The following ZNF529 variants were observed in gnomAD, a reference collection of about 807,000 sequenced individuals.
ZNF529 encodes zinc finger protein 529.
Under a neutral mutation model 10.1 loss-of-function variants are expected in ZNF529, and 11 were observed. The ratio of observed to expected loss-of-function variants is 1.09; its 90% CI spans 0.69 to 1.81. The LOEUF (loss-of-function observed/expected upper bound fraction) is 1.81. Among genes scored for constraint, ZNF529 ranks in the 40% most tolerant of loss-of-function variants. ZNF529 has a pLI of 0.00. For synonymous variants in ZNF529, 204 were observed against 215.7 expected, an observed-to-expected ratio of 0.95 and a Z score of 0.47; for missense variants, 624 against 666.8, an observed-to-expected ratio of 0.94 and a Z score of 0.71.
Position 36,546,737 on chromosome 19 carries a change from G to T in ZNF529, c.*129C>A. The T allele has an allele frequency of 1.0e-6, 1 of 960,976 alleles. No homozygotes were observed. The highest frequency in any genetic ancestry group is 1.5e-6 in the Non-Finnish European group (1 of 655,064). The allele number at this position is 960,976 out of a possible 1,614,324, so 59.5% of individuals were successfully genotyped here. ...CTAAGCAATTCTACGTCTACATACA[G>T]AATGACCATGAAGTCTAAAAACAGA... On this transcript the variant is annotated 3_prime_UTR_variant, in exon 5 of 5. Transcript: ENST00000591340.
intron 1 of ZNF529, among the ~76,000 whole-genome samples, chr19:36,602,282 G>C (rs1325719014): frequency 6.6e-6 from 1 of 151,984 alleles, no homozygotes; most frequent in East Asian, 1.9e-4. Flanking sequence ...TCCCGACCTT[G>C]TGATCCACCC....
At position 36,547,718 on chromosome 19, in the gene ZNF529, T is replaced by C. The variant is rs1442295537; in HGVS notation, c.840A>G (p.Lys280=). ...TPLQRVHDGE[K]HFECSFCGKS... ...TCCCACAGAATGAGCATTCAAAGTG[T>C]TTCTCACCATCATGAACTCTTTGAA... Residue 280 remains lysine (K), a synonymous_variant, in exon 5 of 5, where the codon AAA becomes AAG. Transcript: ENST00000591340. 6.2e-7 allele frequency: 1 copy of C among 1,613,942 alleles called. No individual in the cohort carries two copies. Among genetic ancestry groups the C allele is most frequent in the East Asian group, 2.2e-5 (1 of 44,860 alleles).
chr19:36,589,509 A>G (rs932369708), intron 2 of ZNF529: 1 of 152,192 alleles, frequency 6.6e-6, no homozygotes, highest in African/African-American at 2.4e-5. Flanking sequence ...GAGGAAAAGC[A>G]AGGAAATGTT....
At chr19:36,575,572 T>A (rs1374968545), upstream of ZNF529, among the ~76,000 whole-genome samples, 1 of 150,760 alleles carries the variant, frequency 6.6e-6, no homozygotes, top group African/African-American at 2.4e-5. Flanking sequence ...AATCACAAAG[T>A]CAGCTTTGTA....
intron 2 of ZNF529, among the ~76,000 whole-genome samples, chr19:36,563,932 A>G (rs1384664151): frequency 6.6e-6 from 1 of 152,190 alleles, no homozygotes; most frequent in Non-Finnish European, 1.5e-5. Context: ...ACACAGACCA[A>G]TGGAATAGAA....
At chr19:36,572,004 T>C (rs954199748) in intron 2 of ZNF529, among the ~76,000 whole-genome samples, 1 of 149,042 alleles carries the variant, frequency 6.7e-6, no homozygotes, top group Non-Finnish European at 1.5e-5. Context: ...CTTGCTTTGT[T>C]TGCAAATCAA....
intron 2 of ZNF529, chr19:36,582,174 G>C (rs955301179): frequency 2.0e-5 from 3 of 152,044 alleles, no homozygotes; most frequent in Non-Finnish European, 2.9e-5. Flanking sequence ...GGGGGAAAAG[G>C]GTAGTTATTA....
At chr19:36,555,975 G>GT (rs2145808195) in intron 3 of ZNF529, 129 bp downstream of exon 3, 1 of 872,110 alleles carries the variant, frequency 1.1e-6, no homozygotes, top group East Asian at 2.7e-5. Context: ...ACACTGTGCT[G>GT]TTAGACTCCA....
intron 1 of ZNF529, chr19:36,589,743 T>C (rs2036663716): frequency 1.3e-5 from 2 of 151,902 alleles, no homozygotes; most frequent in South Asian, 4.1e-4. Flanking sequence ...TGAAGATATA[T>C]GGATTATCAA....
chr19:36,552,619 T>C (rs553582858), intron 4 of ZNF529, among the ~76,000 whole-genome samples: 3 of 152,270 alleles, frequency 2.0e-5, no homozygotes, highest in East Asian at 1.9e-4. Flanking sequence ...TTCTTTCACA[T>C]CCCATAAACT....
Position 36,547,575 on chromosome 19 carries a change from T to C in ZNF529, c.983A>G (p.His328Arg), listed in dbSNP as rs763017241. Reference sequence around the variant, plus strand: ...TTTCTCACCAGTATGAATTCTCTGATGTTCGGTAAGCTGTGAATGAAATCT... The same window carrying C: ...TTTCTCACCAGTATGAATTCTCTGACGTTCGGTAAGCTGTGAATGAAATCT... Reference protein sequence around the residue: ...DFRFHSQLTEHQRIHTGEKPY... With the variant: ...DFRFHSQLTERQRIHTGEKPY... The change falls in exon 5 of 5, where the codon CAT becomes CGT. Residue 328 changes from histidine to arginine, a missense_variant. By Grantham distance (29) the His-to-Arg change is conservative (BLOSUM62 0). Coordinates refer to ENST00000591340, the MANE Select transcript of ZNF529 (RefSeq NM_020951.5). 5.0e-6 allele frequency: 8 copies of C among 1,613,840 alleles called. No homozygotes were observed. The Admixed American group carries it at 1.3e-4, about 27-fold the overall frequency.
At chr19:36,551,108 A>G (rs1432015855) in intron 4 of ZNF529, among the ~76,000 whole-genome samples, 1 of 152,216 alleles carries the variant, frequency 6.6e-6, no homozygotes, top group Non-Finnish European at 1.5e-5. Flanking sequence ...AGAAAGAAAA[A>G]AGTTTTACAA....
chr19:36,585,612 G>C (rs1176235164), intron 2 of ZNF529, among the ~76,000 whole-genome samples: 1 of 152,190 alleles, frequency 6.6e-6, no homozygotes, highest in Non-Finnish European at 1.5e-5. Flanking sequence ...CTTTCTACCT[G>C]TTTCTCACAA....
intron 4 of ZNF529, among the ~76,000 whole-genome samples, chr19:36,549,025 C>T (rs1033093450): frequency 3.9e-5 from 6 of 152,154 alleles, no homozygotes; most frequent in Non-Finnish European, 5.9e-5. Context: ...CTCATTTTAA[C>T]GCATTCTCCT....
chr19:36,580,272 T>C (rs1177378837), intron 2 of ZNF529: 2 of 152,068 alleles, frequency 1.3e-5, no homozygotes, highest in Non-Finnish European at 2.9e-5. Context: ...CTTTTTTTTT[T>C]TAATAAGTAG....
intron 1 of ZNF529, among the ~76,000 whole-genome samples, chr19:36,603,163 G>A (rs2036956649): frequency 1.3e-5 from 2 of 152,256 alleles, no homozygotes; most frequent in East Asian, 1.9e-4. Flanking sequence ...TCATGTCTCT[G>A]AAGAAAATCT....
chr19:36,593,695 CT>C (rs1206449810), intron 1 of ZNF529, among the ~76,000 whole-genome samples: 5 of 152,148 alleles, frequency 3.3e-5, no homozygotes, highest in Non-Finnish European at 5.9e-5. Context: ...CTTCTTAGAT[CT>C]CTGTTACATA....
At chr19:36,549,122 T>C (rs2035166152) in intron 4 of ZNF529, among the ~76,000 whole-genome samples, 1 of 152,218 alleles carries the variant, frequency 6.6e-6, no homozygotes, top group African/African-American at 2.4e-5. Context: ...AATGGTCTCT[T>C]TGTATGCCAG....
chr19:36,560,944 A>G (rs1345251953), intron 2 of ZNF529, among the ~76,000 whole-genome samples: 1 of 152,230 alleles, frequency 6.6e-6, no homozygotes, highest in Non-Finnish European at 1.5e-5. Flanking sequence ...TAAGCATGTA[A>G]ATAAAAAGGT....
Sources: gnomAD v4.1 joint callset for allele counts (sites outside exome capture counted in the v4.1 genomes callset) on GRCh38, gnomAD v4.1.1 for gene constraint, MANE v1.5 for transcripts, NCBI Gene and HGNC (gene_info 2026-07-23, HGNC 2026-07-21) for gene names.